The following SPEG variants were observed in gnomAD, a reference collection of about 807,000 sequenced individuals.
SPEG encodes striated muscle enriched protein kinase.
In SPEG, 114 loss-of-function variants were observed where a neutral mutation model predicts 300.4. The observed-to-expected ratio is 0.38, with a 90% CI of 0.33 to 0.44. The LOEUF is 0.44. SPEG is among the 20% of genes least tolerant of loss of function. The pLI, the probability that SPEG is intolerant of heterozygous loss-of-function variation, is 1.00. For synonymous variants in SPEG, 1,964 were observed against 2,018.9 expected (o/e 0.97, Z 0.73); for missense variants, 4,201 against 4,586.2 (o/e 0.92, Z 2.43).
chr2:219,461,776 CTGCGGG>C, intron 6 of SPEG, 100 bp from the exon 7 acceptor site: 1 of 1,230,044 alleles, frequency 8.1e-7, no homozygotes, highest in Non-Finnish European at 1.2e-6. Flanking sequence ...CAGGGCCGGC[CTGCGGG>C]GAGCTGCCGC....
Position 219,448,618 on chromosome 2 carries a change from C to A in SPEG, c.1460C>A (p.Ala487Asp). 3.4e-6 allele frequency: 5 copies of A among 1,479,028 alleles called. No homozygotes were observed. The highest frequency in any genetic ancestry group is 4.5e-6 in the Non-Finnish European group (5 of 1,122,674). The allele number at this position is 1,479,028 out of a possible 1,614,324, so 91.6% of individuals were successfully genotyped here. A position where few individuals can be genotyped will look rare whatever the true frequency, so the allele number is the denominator to read the frequency against. Residue 487 changes from alanine to aspartate, a missense_variant, in exon 4 of 41, where the codon GCC becomes GAC. Physicochemically the swap from Ala to Asp is moderately radical, Grantham distance 126. Around this residue, in one of 4 missense-constraint regions of SPEG, gnomAD observed 1,258 missense variants for 1,293.9 expected, o/e 0.97. Transcript: ENST00000312358. ...GAGCGCACGCGTCAGCGCAGCCCGG[C>A]CTCAGACCTCGAGCTGCGCTTCGCC... is the stretch of plus-strand genomic sequence containing the variant. ...LDERTRQRSP[A>D]SDLELRFAQE... is the part of the protein sequence containing the mutation.
At chr2:219,457,584 A>G (rs918494760) in intron 6 of SPEG, among the ~76,000 whole-genome samples, 1 of 152,224 alleles carries the variant, frequency 6.6e-6, no homozygotes, top group Admixed American at 6.5e-5. Context: ...ACTGTCTCAA[A>G]ACAAAAGCAA....
At chr2:219,490,329 C>A in intron 36 of SPEG, 80 bp from the exon 37 acceptor site, 1 of 1,530,990 alleles carries the variant, frequency 6.5e-7, no homozygotes, top group Non-Finnish European at 8.8e-7. Flanking sequence ...GGGGTCCCTG[C>A]TCTCCTCCGT....
At position 219,462,048 on chromosome 2, in the gene SPEG, C is replaced by G. The variant is rs969309838; in HGVS notation, c.2607C>G (p.Pro869=). The G allele has an allele frequency of 6.2e-7, 1 of 1,604,754 alleles. No individual in the cohort carries two copies. Among genetic ancestry groups the G allele is most frequent in the Non-Finnish European group, 8.5e-7 (1 of 1,176,948 alleles). Residue 869 remains proline, a synonymous_variant, in exon 7 of 41, where the codon CCC becomes CCG. Transcript: ENST00000312358. ...CTGACACTGGCTCCAAGGCACCCCC[C>G]ACCTTCAAGGTCAGACCCCTGAGGC... is the stretch of plus-strand genomic sequence containing the variant. ...RSSDTGSKAP[P]TFKVSLMDQS...
chr2:219,479,222 G>A lies in SPEG; in HGVS notation c.5085+21G>A. On this transcript the variant is annotated intron_variant, in intron 23 of 40. Transcript: ENST00000312358. This position sits in a 1 kb window ranked among gnomAD's most constrained non-coding sequence, Gnocchi z 5.5. Reference sequence around the variant, plus strand: ...CTGAGGTGAGGGCAGTGGGTGGCAGGGGCCAGGTTGGGCACCAGCCTTCAC... The same window carrying A: ...CTGAGGTGAGGGCAGTGGGTGGCAGAGGCCAGGTTGGGCACCAGCCTTCAC... The A allele has an allele frequency of 1.9e-6, 3 of 1,607,552 alleles. No individual in the cohort carries two copies. Among genetic ancestry groups the A allele is most frequent in the Non-Finnish European group, 2.6e-6 (3 of 1,175,220 alleles).
rs749486203 is a variant in SPEG, at chr2:219,472,891, C to T, written c.3942C>T (p.Asp1314=). ...NPPRSLDMAI[D]PDSLTYTVQH... is the part of the protein sequence containing the mutation. Reference sequence around the variant, plus strand: ...CTCTAGTAGCTCCTCTCCCGCCAGACCCGGACTCCCTGACGTACACAGTGC... The same window carrying T: ...CTCTAGTAGCTCCTCTCCCGCCAGATCCGGACTCCCTGACGTACACAGTGC... Residue 1314 remains aspartate (D), a splice_region_variant and synonymous_variant, in exon 16 of 41, where the codon GAC becomes GAT. Transcript: ENST00000312358. 6 of 1,578,360 alleles carry T rather than the reference C, an allele frequency of 3.8e-6. No homozygotes were observed. Among genetic ancestry groups the T allele is most frequent in the Non-Finnish European group, 5.2e-6 (6 of 1,157,976 alleles).
intron 15 of SPEG, among the ~76,000 whole-genome samples, 188 bp from the exon 16 acceptor site, chr2:219,472,702 G>T (rs1179146880): frequency 1.3e-5 from 2 of 152,194 alleles, no homozygotes; most frequent in African/African-American, 4.8e-5. Context: ...CTGGTACCTT[G>T]TTGGCTCTTA....
At position 219,477,251 on chromosome 2, in the gene SPEG, G is replaced by A; in HGVS notation, c.4561-26G>A. On this transcript the variant is annotated intron_variant, in intron 19 of 40. Transcript: ENST00000312358. The surrounding 1 kb of genome is among the most constrained non-coding windows in gnomAD (Gnocchi z 6.4). Reference sequence around the variant, plus strand: ...AAGGTAGAGATGAGGCCAGGCCCAGGCTGAAGGTGAGACCCCACTCTGCAG... The same window carrying A: ...AAGGTAGAGATGAGGCCAGGCCCAGACTGAAGGTGAGACCCCACTCTGCAG... 1.4e-6 allele frequency: 2 copies of A among 1,407,308 alleles called. No individual in the cohort carries two copies. The highest frequency in any genetic ancestry group is 9.7e-7 in the Non-Finnish European group (1 of 1,033,272). The allele number at this position is 1,407,308 out of a possible 1,614,324, so 87.2% of individuals were successfully genotyped here. A position where few individuals can be genotyped will look rare whatever the true frequency, so the allele number is the denominator to read the frequency against.
intron 1 of SPEG, among the ~76,000 whole-genome samples, chr2:219,435,805 A>G (rs561267389): frequency 1.4e-4 from 21 of 152,300 alleles, no homozygotes; most frequent in African/African-American, 4.3e-4. Context: ...TCCAGGCTGC[A>G]CTGTTGAAGG....
Position 219,479,185 on chromosome 2 carries a change from C to T in SPEG, c.5069C>T (p.Thr1690Ile). 1.9e-6 allele frequency: 3 copies of T among 1,613,682 alleles called. No individual in the cohort carries two copies. Among genetic ancestry groups the T allele is most frequent in the Non-Finnish European group, 2.5e-6 (3 of 1,179,958 alleles). ...CTGGAGCGAATCGCCAGGAAACCCA[C>T]CGTGTGTGAGTCTGAGGTGAGGGCA... The part of the protein sequence containing the change: ...ELLERIARKP[T>I]VCESEIRAYM... The change falls in exon 23 of 41, where the codon ACC (threonine) becomes ATC (isoleucine). Residue 1690 changes from threonine (T) to isoleucine (I), a missense_variant. Around this residue, in one of 4 missense-constraint regions of SPEG, gnomAD observed 1,047 missense variants for 1,356.8 expected, o/e 0.77. Coordinates refer to ENST00000312358, the MANE Select transcript of SPEG (RefSeq NM_005876.5). The surrounding 1 kb of genome is among the most constrained non-coding windows in gnomAD (Gnocchi z 5.5).
rs566767560 is a variant in SPEG, at chr2:219,439,893, G to T, written c.388+4528G>T. 2.6e-5 allele frequency among the ~76,000 whole-genome samples: 4 copies of T among 152,334 alleles called. No homozygotes were observed. The highest frequency in any genetic ancestry group is 9.6e-5 in the African/African-American group (4 of 41,570). On this transcript the variant is annotated intron_variant, in intron 1 of 40. Coordinates refer to ENST00000312358, the MANE Select transcript of SPEG (RefSeq NM_005876.5). The surrounding 1 kb of genome is among the most constrained non-coding windows in gnomAD (Gnocchi z 4.5). Reference sequence around the variant, plus strand: ...TCACTCAGCTCCCCATCTGTGAGTGGGTGTGTTTAGGGGTGTACATGGAAA... The same window carrying T: ...TCACTCAGCTCCCCATCTGTGAGTGTGTGTGTTTAGGGGTGTACATGGAAA...
chr2:219,472,859 C>G, intron 15 of SPEG, 31 bp from the exon 16 acceptor site: 1 of 1,540,860 alleles, frequency 6.5e-7, no homozygotes, highest in Non-Finnish European at 8.8e-7. Context: ...GCTCCTGCAA[C>G]AGCAGCCTCT....
At chr2:219,483,032 T>C (rs1318876644) in intron 29 of SPEG, 66 bp from the exon 30 acceptor site, 3 of 1,514,402 alleles carry the variant, frequency 2.0e-6, no homozygotes, top group Non-Finnish European at 9.0e-7. Flanking sequence ...AGGGCTGAGG[T>C]GGGCCTGGGG....
intron 6 of SPEG, among the ~76,000 whole-genome samples, chr2:219,455,057 G>A (rs1266530660): frequency 6.6e-6 from 1 of 152,162 alleles, no homozygotes; most frequent in Non-Finnish European, 1.5e-5. Context: ...TCGTGCCACT[G>A]CACTCCAGCC....
In SPEG at chr2:219,467,357, G is replaced by A. The variant is rs771736920; in HGVS notation, c.3065G>A (p.Arg1022His). The A allele has an allele frequency of 8.7e-6, 14 of 1,612,138 alleles. No homozygotes were observed. Among genetic ancestry groups the A allele is most frequent in the South Asian group, 7.7e-5 (7 of 91,086 alleles). Residue 1022 changes from arginine (R) to histidine (H), a missense_variant, in exon 10 of 41, where the codon CGC (arginine) becomes CAC (histidine). Transcript: ENST00000312358. ...LLKCKMHFDGRKCKLLLTSVH... is the reference protein window; with the variant it reads ...LLKCKMHFDGHKCKLLLTSVH... Reference sequence around the variant, plus strand: ...AAATGCAAGATGCATTTCGATGGCCGCAAATGCAAGCTGCTACTTACATCT... The same window carrying A: ...AAATGCAAGATGCATTTCGATGGCCACAAATGCAAGCTGCTACTTACATCT...
intron 6 of SPEG, among the ~76,000 whole-genome samples, chr2:219,456,445 C>T (rs1690189173): frequency 6.6e-6 from 1 of 152,250 alleles, no homozygotes; most frequent in African/African-American, 2.4e-5. Context: ...CTCAGCCCTT[C>T]CTCTACCCTC....
Position 219,473,920 on chromosome 2 carries a change from C to T in SPEG, c.4447+17C>T, listed in dbSNP as rs767124208. On this transcript the variant is annotated intron_variant, in intron 18 of 40. Transcript: ENST00000312358. The surrounding 1 kb of genome is among the most constrained non-coding windows in gnomAD (Gnocchi z 4.6). ...AGCTGGCAGGTGGGTGACAGCGGGC[C>T]TTCTTCCTAGCCTCCCTCCAAGGCC... 2 of 1,593,368 alleles carry T rather than the reference C, an allele frequency of 1.3e-6. No homozygotes were observed. Among genetic ancestry groups the T allele is most frequent in the Non-Finnish European group, 1.7e-6 (2 of 1,169,410 alleles).
In SPEG at chr2:219,477,216, C is replaced by CGGGGCCTAGTACAGCGGCT; in HGVS notation, c.4561-61_4561-60insGGGGCCTAGTACAGCGGCT. The CGGGGCCTAGTACAGCGGCT allele has an allele frequency of 6.8e-7, 1 of 1,467,326 alleles. No individual in the cohort carries two copies. The allele number at this position is 1,467,326 out of a possible 1,614,324, so 90.9% of individuals were successfully genotyped here. On this transcript the variant is annotated intron_variant, in intron 19 of 40. Transcript: ENST00000312358. This position sits in a 1 kb window ranked among gnomAD's most constrained non-coding sequence, Gnocchi z 6.4. ...GCGCTGCCCAGAGTAGGAGATGAGG[C>CGGGGCCTAGTACAGCGGCT]CCTGGCCCCAAGGTAGAGATGAGGC...
At position 219,471,718 on chromosome 2, in the gene SPEG, T is replaced by C. The variant is rs1157423769; in HGVS notation, c.3716-150T>C. ...TTTGCTGCACCATGGATGCACTTCT[T>C]GCTGCCTGCCCCATCCTTGCCCCAT... is the stretch of plus-strand genomic sequence containing the variant. On this transcript the variant is annotated intron_variant, in intron 13 of 40. Coordinates refer to ENST00000312358, the MANE Select transcript of SPEG (RefSeq NM_005876.5). 8 of 934,700 alleles carry C rather than the reference T, an allele frequency of 8.6e-6. No homozygotes were observed. The East Asian group carries it at 1.3e-4, about 15-fold the overall frequency. The allele number at this position is 934,700 out of a possible 1,614,324, so 57.9% of individuals were successfully genotyped here.
Sources: allele counts gnomAD v4.1 joint callset (sites outside exome capture counted in the v4.1 genomes callset), GRCh38; gene constraint gnomAD v4.1.1; regional missense constraint gnomAD v4.1.1; non-coding constraint Gnocchi (gnomAD v3.1); transcripts MANE v1.5; gene names NCBI Gene and HGNC (gene_info 2026-07-23, HGNC 2026-07-21).